NELL2: variants seen among roughly 807,000 people sequenced by gnomAD.
NELL2 encodes neural EGFL like 2.
In NELL2, 41 loss-of-function variants were observed where a neutral mutation model predicts 109.6. The ratio of observed to expected loss-of-function variants is 0.37; its 90% CI spans 0.29 to 0.49. The LOEUF (loss-of-function observed/expected upper bound fraction) is 0.49, where lower values mean the gene tolerates loss of function less well. Ranked by LOEUF, NELL2 falls within the 20% of genes least tolerant of loss-of-function variation. The probability of loss-of-function intolerance (pLI) is 0.98; values close to 1 mark genes in which losing one functional copy is unlikely to be tolerated. For synonymous variants in NELL2, 355 were observed against 344.7 expected (o/e 1.03, Z -0.33); for missense variants, 900 against 1,008.3 (o/e 0.89, Z 1.45).
chr12:44,837,904 G>A (rs1944104113), intron 2 of NELL2, among the ~76,000 whole-genome samples: 1 of 152,118 alleles, frequency 6.6e-6, no homozygotes, highest in South Asian at 2.1e-4. Flanking sequence ...CTTACACTGT[G>A]CCAGTTTTAT....
At chr12:44,850,254 AT>A (rs1404540245) in intron 2 of NELL2, among the ~76,000 whole-genome samples, 1 of 152,112 alleles carries the variant, frequency 6.6e-6, no homozygotes, top group Non-Finnish European at 1.5e-5. Flanking sequence ...TTTAATTATT[AT>A]TTTTTCATAA....
chr12:44,579,542 T>C (rs1045558016), intron 15 of NELL2, among the ~76,000 whole-genome samples: 3 of 152,192 alleles, frequency 2.0e-5, no homozygotes, highest in Admixed American at 6.5e-5. Flanking sequence ...TCCTATAAGA[T>C]GTTGACTCTA....
At chr12:44,583,673 C>G (rs1293694019) in intron 15 of NELL2, among the ~76,000 whole-genome samples, 1 of 152,190 alleles carries the variant, frequency 6.6e-6, no homozygotes, top group Admixed American at 6.5e-5. Context: ...CACTAGGAAA[C>G]ATACGAAATG....
intron 2 of NELL2, among the ~76,000 whole-genome samples, chr12:44,873,824 C>G (rs1189608684): frequency 6.6e-6 from 1 of 151,706 alleles, no homozygotes. Context: ...GTAGCCTTAT[C>G]TTCTTTATTA....
chr12:44,601,127 C>T (rs1945203606), intron 15 of NELL2, among the ~76,000 whole-genome samples: 3 of 152,002 alleles, frequency 2.0e-5, no homozygotes, highest in Admixed American at 2.0e-4. Context: ...TTCTTGGAGA[C>T]CTGCTCTCTA....
chr12:44,691,719 T>C, intron 12 of NELL2, among the ~76,000 whole-genome samples: 1 of 152,126 alleles, frequency 6.6e-6, no homozygotes, highest in East Asian at 1.9e-4. Context: ...AATGGTCTTA[T>C]TGATGACATG....
At chr12:44,664,572 T>C (rs1239271799) in intron 13 of NELL2, among the ~76,000 whole-genome samples, 1 of 151,994 alleles carries the variant, frequency 6.6e-6, no homozygotes, top group Admixed American at 6.6e-5. Context: ...CTAGGGAGGA[T>C]TATGGAGTCT....
chr12:44,600,127 AATTTATTT>A (rs57168113), intron 15 of NELL2, among the ~76,000 whole-genome samples: 29,264 of 131,896 alleles, frequency 0.22, 3,789 homozygotes, highest in Non-Finnish European at 0.29. Context: ...ACGCCCGGCT[AATTTATTT>A]ATTTATTTAT....
upstream of NELL2, among the ~76,000 whole-genome samples, chr12:44,878,084 T>C (rs920944097): frequency 2.2e-4 from 33 of 152,282 alleles, no homozygotes; most frequent in Non-Finnish European, 3.4e-4. Context: ...TATGCACATA[T>C]ATATTTCCAC....
intron 1 of NELL2, among the ~76,000 whole-genome samples, chr12:44,886,642 G>A (rs1945476791): frequency 6.6e-6 from 1 of 151,716 alleles, no homozygotes; most frequent in Non-Finnish European, 1.5e-5. Context: ...TTAAATATTT[G>A]CATTTTCTTT....
intron 3 of NELL2, among the ~76,000 whole-genome samples, chr12:44,814,495 G>A (rs1943274142): frequency 6.6e-6 from 1 of 152,016 alleles, no homozygotes; most frequent in Non-Finnish European, 1.5e-5. Flanking sequence ...TCAACCACAT[G>A]AAGACAAGGC....
chr12:44,600,165 TTTATTTA>T (rs1201767390), intron 15 of NELL2, among the ~76,000 whole-genome samples: 1 of 147,834 alleles, frequency 6.8e-6, no homozygotes. Flanking sequence ...TATTTATTTA[TTTATTTA>T]TTTATTTATT....
In NELL2 at chr12:44,784,061, A is replaced by G. The variant is rs12230381; in HGVS notation, c.336-4039T>C. On this transcript the variant is annotated intron_variant, in intron 3 of 19. Transcript: ENST00000429094. ...TATACTGACTAACAAAGGAATGAAAATTATTTTATCATATTGACTTATGCA... is the reference window on the plus strand; with the variant it reads ...TATACTGACTAACAAAGGAATGAAAGTTATTTTATCATATTGACTTATGCA... 2.3e-3 allele frequency among the ~76,000 whole-genome samples: 346 copies of G among 152,272 alleles called. 10 individuals are homozygous for G. The East Asian group carries it at 0.049, about 22-fold the overall frequency.
intron 13 of NELL2, among the ~76,000 whole-genome samples, chr12:44,644,608 GTATATA>G (rs1180129986): frequency 2.2e-5 from 2 of 90,830 alleles, no homozygotes; most frequent in African/African-American, 9.2e-5. Flanking sequence ...ATATATGTAT[GTATATA>G]TATATATATA....
At chr12:44,804,132 A>G (rs544951846) in intron 3 of NELL2, among the ~76,000 whole-genome samples, 45 of 152,070 alleles carry the variant, frequency 3.0e-4, no homozygotes, top group African/African-American at 9.9e-4. Context: ...GATATATTCT[A>G]TGATGCATTC....
At chr12:44,766,148 T>G (rs1592490401) in intron 9 of NELL2, among the ~76,000 whole-genome samples, 1 of 152,170 alleles carries the variant, frequency 6.6e-6, no homozygotes, top group East Asian at 1.9e-4. Flanking sequence ...ATCTCTAAAT[T>G]GAAAAAGTGA....
chr12:44,584,678 T>C (rs1944434192), intron 15 of NELL2, among the ~76,000 whole-genome samples: 1 of 152,238 alleles, frequency 6.6e-6, no homozygotes, highest in African/African-American at 2.4e-5. Flanking sequence ...AGTAGGCAAC[T>C]TGTTTCCAGG....
chr12:44,691,107 A>G (rs1009867428), intron 12 of NELL2, among the ~76,000 whole-genome samples: 20 of 152,182 alleles, frequency 1.3e-4, no homozygotes, highest in African/African-American at 4.8e-4. Flanking sequence ...GAATACAGGC[A>G]TACCTTGTTT....
chr12:44,840,258 A>G (rs1944182759), intron 2 of NELL2, among the ~76,000 whole-genome samples: 1 of 152,190 alleles, frequency 6.6e-6, no homozygotes, highest in Admixed American at 6.5e-5. Context: ...GTGTCAGTAT[A>G]TTGAGAGCTG....
Sources: gnomAD v4.1 joint callset for allele counts (sites outside exome capture counted in the v4.1 genomes callset) on GRCh38, gnomAD v4.1.1 for gene constraint, MANE v1.5 for transcripts, NCBI Gene and HGNC (gene_info 2026-07-23, HGNC 2026-07-21) for gene names.